EXOC4: variants seen among roughly 807,000 people sequenced by gnomAD.
EXOC4 encodes SEC8-like 1.
EXOC4 carries 71 observed loss-of-function variants against 107.2 expected under a neutral mutation model. The observed-to-expected ratio is 0.66, with a 90% CI of 0.55 to 0.81. EXOC4 has a LOEUF of 0.81. Among genes scored for constraint, EXOC4 ranks in the 30% least tolerant of loss-of-function variants. The pLI is 0.00. For missense variants in EXOC4, 1,108 were observed against 1,189.6 expected (o/e 0.93, Z 1.01); for synonymous variants, 456 against 441.2 (o/e 1.03, Z -0.42).
At chr7:133,622,932 C>A (rs1350712101) in intron 9 of EXOC4, among the ~76,000 whole-genome samples, 1 of 152,156 alleles carries the variant, frequency 6.6e-6, no homozygotes, top group African/African-American at 2.4e-5. Flanking sequence ...GAATAATGAA[C>A]CTACTCTATG....
chr7:133,696,834 C>CT (rs1794545630), intron 10 of EXOC4, among the ~76,000 whole-genome samples: 1 of 152,114 alleles, frequency 6.6e-6, no homozygotes, highest in South Asian at 2.1e-4. Flanking sequence ...GGCAAAATGT[C>CT]TTATTTGTCA....
At chr7:133,823,907 A>T (rs1172779727) in intron 11 of EXOC4, among the ~76,000 whole-genome samples, 1 of 28,068 alleles carries the variant, frequency 3.6e-5, no homozygotes, top group Non-Finnish European at 5.4e-5. Context: ...ATATATATAT[A>T]TATAAATATA....
At chr7:133,732,066 A>G (rs1329886010) in intron 10 of EXOC4, among the ~76,000 whole-genome samples, 1 of 152,224 alleles carries the variant, frequency 6.6e-6, no homozygotes, top group East Asian at 1.9e-4. Context: ...GATAGACTGG[A>G]CAAAGACAAT....
At chr7:133,855,144 A>AATATATATATAAATATATATAT (rs1798345690) in intron 11 of EXOC4, among the ~76,000 whole-genome samples, 2 of 96,498 alleles carry the variant, frequency 2.1e-5, no homozygotes, top group Non-Finnish European at 3.8e-5. Context: ...TATATATATA[A>AATATATATATAAATATATATAT]ATATATATAT....
chr7:133,747,613 A>C (rs1795704640), intron 10 of EXOC4, among the ~76,000 whole-genome samples: 1 of 152,232 alleles, frequency 6.6e-6, no homozygotes, highest in African/African-American at 2.4e-5. Flanking sequence ...ATTGATTTTG[A>C]AATGCGTGTA....
intron 10 of EXOC4, among the ~76,000 whole-genome samples, chr7:133,811,102 T>C (rs540538469): frequency 2.0e-5 from 3 of 152,188 alleles, no homozygotes; most frequent in Non-Finnish European, 4.4e-5. Flanking sequence ...TATACCCTTT[T>C]CTTTACTCTC....
chr7:134,097,285 C>A, the EXOC4 span, among the ~76,000 whole-genome samples: 1 of 151,892 alleles, frequency 6.6e-6, no homozygotes, highest in Non-Finnish European at 1.5e-5. Flanking sequence ...ACTGTCTCTC[C>A]CAGCTCTTGG....
At chr7:133,682,326 C>T (rs1314879743) in intron 10 of EXOC4, among the ~76,000 whole-genome samples, 1 of 152,138 alleles carries the variant, frequency 6.6e-6, no homozygotes, top group East Asian at 1.9e-4. Flanking sequence ...TGAAATTCTT[C>T]ACCCATAGTA....
At chr7:134,084,117 AAG>A in the EXOC4 span, among the ~76,000 whole-genome samples, 1 of 152,174 alleles carries the variant, frequency 6.6e-6, no homozygotes, top group African/African-American at 2.4e-5. Context: ...TTTGCTGTGA[AAG>A]AGATGTAATC....
chr7:133,912,953 A>G (rs1027111678), intron 12 of EXOC4, among the ~76,000 whole-genome samples: 2 of 152,234 alleles, frequency 1.3e-5, no homozygotes, highest in African/African-American at 4.8e-5. Context: ...AGTGATTCTA[A>G]TCTTTAGTCA....
intron 14 of EXOC4, among the ~76,000 whole-genome samples, chr7:133,966,502 C>G (rs1801069065): frequency 6.6e-6 from 1 of 152,142 alleles, no homozygotes; most frequent in Non-Finnish European, 1.5e-5. Context: ...TACGTTCCAT[C>G]AGTACCTAGT....
At chr7:133,519,219 A>G (rs865777639) in intron 9 of EXOC4, among the ~76,000 whole-genome samples, 4 of 152,086 alleles carry the variant, frequency 2.6e-5, no homozygotes, top group African/African-American at 9.7e-5. Context: ...GTTTGAGACC[A>G]GCCTAGGCAA....
chr7:133,378,226 C>G (rs1207852661), intron 7 of EXOC4, among the ~76,000 whole-genome samples: 1 of 149,690 alleles, frequency 6.7e-6, no homozygotes, highest in East Asian at 2.0e-4. Flanking sequence ...CAGAGAATTG[C>G]TTGAACTGGG....
intron 17 of EXOC4, among the ~76,000 whole-genome samples, chr7:134,025,318 A>G (rs2116445978): frequency 6.6e-6 from 1 of 152,226 alleles, no homozygotes. Flanking sequence ...AAGAGTTTTT[A>G]TTTTTTAAAG....
chr7:133,275,418 TG>T (rs1224324869), intron 2 of EXOC4, among the ~76,000 whole-genome samples: 1 of 152,170 alleles, frequency 6.6e-6, no homozygotes, highest in African/African-American at 2.4e-5. Flanking sequence ...CAGTGTGGAA[TG>T]AGACAAGCAA....
chr7:133,509,426 T>TG (rs2150896429), intron 9 of EXOC4, among the ~76,000 whole-genome samples: 2 of 142,792 alleles, frequency 1.4e-5, no homozygotes, highest in East Asian at 4.0e-4. Context: ...AGACTCCGTC[T>TG]AAAAAAAAAA....
At chr7:133,918,443 A>G (rs938504002) in intron 13 of EXOC4, among the ~76,000 whole-genome samples, 2 of 152,246 alleles carry the variant, frequency 1.3e-5, no homozygotes, top group Admixed American at 6.5e-5. Context: ...GTTTCTGTCC[A>G]TACAGAATAT....
intron 10 of EXOC4, among the ~76,000 whole-genome samples, chr7:133,789,195 GA>G (rs1002435992): frequency 2.6e-5 from 4 of 152,160 alleles, no homozygotes; most frequent in Admixed American, 2.6e-4. Flanking sequence ...AGGAGGAAAG[GA>G]AAACTAGGGG....
At chr7:133,554,232 ATGTTT>A (rs1185769085) in intron 9 of EXOC4, among the ~76,000 whole-genome samples, 3 of 152,094 alleles carry the variant, frequency 2.0e-5, no homozygotes, top group Non-Finnish European at 4.4e-5. Flanking sequence ...GATTGATGAA[ATGTTT>A]TATTTTATTT....
Sources: allele counts gnomAD v4.1 joint callset (sites outside exome capture counted in the v4.1 genomes callset), GRCh38; gene constraint gnomAD v4.1.1; transcripts MANE v1.5; gene names NCBI Gene and HGNC (gene_info 2026-07-23, HGNC 2026-07-21).